UBN2: variants seen among roughly 807,000 people sequenced by gnomAD.
The protein encoded by UBN2 is ubinuclein 2.
UBN2 carries 35 observed loss-of-function variants against 120.2 expected under a neutral mutation model. The ratio of observed to expected loss-of-function variants is 0.29; its 90% CI spans 0.22 to 0.39. The LOEUF is 0.39. Ranked by LOEUF, UBN2 falls within the 10% of genes least tolerant of loss-of-function variation. UBN2 has a pLI of 1.00. For missense variants in UBN2, 1,693 were observed against 1,663.2 expected (o/e 1.02, Z -0.31); for synonymous variants, 661 against 648.7 (o/e 1.02, Z -0.29).
intron 15 of UBN2, among the ~76,000 whole-genome samples, chr7:139,288,863 A>G (rs1379433819): frequency 6.6e-6 from 1 of 151,844 alleles, no homozygotes; most frequent in African/African-American, 2.4e-5. Flanking sequence ...TTAGCTGGGT[A>G]TGGTGGCACG....
chr7:139,309,377 G>A (rs1399669850), downstream of UBN2, among the ~76,000 whole-genome samples: 1 of 152,186 alleles, frequency 6.6e-6, no homozygotes, highest in Non-Finnish European at 1.5e-5. Flanking sequence ...GACTGTAAGT[G>A]CCTTTAGCTA....
the UBN2 span, among the ~76,000 whole-genome samples, chr7:139,330,020 A>G: frequency 6.6e-6 from 1 of 152,160 alleles, no homozygotes; most frequent in African/African-American, 2.4e-5. Context: ...AAGGCCCACA[A>G]GCTGTGCACT....
At position 139,267,753 on chromosome 7, in the gene UBN2, ATAACT is replaced by A. The variant is rs560349054; in HGVS notation, c.1466+1353_1466+1357del. Reference sequence around the variant, plus strand: ...GCTTAAAAATAGACTCAGAAAATGTATAACTTAGTCTGCCGCTAGTATGGTGGCAG... The same window carrying A: ...GCTTAAAAATAGACTCAGAAAATGTATAGTCTGCCGCTAGTATGGTGGCAG... On this transcript the variant is annotated intron_variant, in intron 7 of 17. Coordinates refer to ENST00000473989, the MANE Select transcript of UBN2 (RefSeq NM_173569.4). Among the ~76,000 whole-genome samples, 509 of 152,328 alleles carry A rather than the reference ATAACT, an allele frequency of 3.3e-3. 3 individuals are homozygous for A. Among genetic ancestry groups the A allele is most frequent in the African/African-American group, 0.012 (481 of 41,574 alleles).
In UBN2 at chr7:139,283,025, A is replaced by T; in HGVS notation, c.2120A>T (p.Glu707Val). Residue 707 changes from glutamate to valine, a missense_variant and splice_region_variant, in exon 15 of 18, where the codon GAG (glutamate) becomes GTG (valine). By Grantham distance (121) the Glu-to-Val change is moderately radical (BLOSUM62 -2). This residue lies in a region of UBN2 where 837 missense variants were observed against 817.6 expected (regional missense o/e 1.02). Coordinates refer to ENST00000473989, the MANE Select transcript of UBN2 (RefSeq NM_173569.4). The stretch of plus-strand genomic sequence containing the variant: ...TTTCCATATGATGCTTTACATTAGG[A>T]GTGTAGTCCAAAAAAGGACCAGAAA... Reference protein sequence around the residue: ...PLHSFPTMLKECSPKKDQKTP... With the variant: ...PLHSFPTMLKVCSPKKDQKTP... 1 of 1,579,190 alleles carries T rather than the reference A, an allele frequency of 6.3e-7. No individual in the cohort carries two copies. The highest frequency in any genetic ancestry group is 2.2e-5 in the East Asian group (1 of 44,480).
At chr7:139,284,670 A>G in intron 15 of UBN2, 96 bp downstream of exon 15, 1 of 1,059,980 alleles carries the variant, frequency 9.4e-7, no homozygotes, top group Non-Finnish European at 1.3e-6. Flanking sequence ...TGATATGTGG[A>G]TTGTTCTCAA....
At chr7:139,233,514 G>T (rs1253408807) in intron 1 of UBN2, among the ~76,000 whole-genome samples, 2 of 152,178 alleles carry the variant, frequency 1.3e-5, no homozygotes, top group East Asian at 3.9e-4. Context: ...CACTGCACAT[G>T]GTTTTTCTAG....
At chr7:139,325,423 A>G in the UBN2 span, among the ~76,000 whole-genome samples, 2 of 151,826 alleles carry the variant, frequency 1.3e-5, no homozygotes, top group Non-Finnish European at 2.9e-5. Flanking sequence ...GCCCACTACC[A>G]CGCTCAGCTA....
At chr7:139,246,042 T>C (rs572525166) in intron 2 of UBN2, among the ~76,000 whole-genome samples, 171 of 152,266 alleles carry the variant, frequency 1.1e-3, no homozygotes, top group African/African-American at 3.9e-3. Context: ...TTTCCAAATA[T>C]TAATTAGGTG....
At chr7:139,232,780 C>CA (rs1796064016) in intron 1 of UBN2, among the ~76,000 whole-genome samples, 6 of 152,220 alleles carry the variant, frequency 3.9e-5, no homozygotes, top group Non-Finnish European at 8.8e-5. Context: ...AAAAAAATGT[C>CA]AGCTTTGAAT....
rs1005800756 is a variant in UBN2 at position 139,305,784 on chromosome 7, T to C, written c.*7948T>C. 6 of 152,162 alleles carry C rather than the reference T, an allele frequency of 3.9e-5. No homozygotes were observed. Among genetic ancestry groups the C allele is most frequent in the Non-Finnish European group, 4.4e-5 (3 of 68,014 alleles). The allele number at this position is 152,162 out of a possible 1,614,324, so 9.4% of individuals were successfully genotyped here. On this transcript the variant is annotated 3_prime_UTR_variant, in exon 18 of 18. Coordinates refer to ENST00000473989, the MANE Select transcript of UBN2 (RefSeq NM_173569.4). ...TCCTCTTCTCCTTTGTATTAAAAAA[T>C]AGATTTTGCTACTGTATAATGCGGC...
the UBN2 span, among the ~76,000 whole-genome samples, chr7:139,323,594 T>C: frequency 7.1e-6 from 1 of 141,212 alleles, no homozygotes; most frequent in Non-Finnish European, 1.5e-5. Context: ...TTATTATTAT[T>C]ATTATTATTT....
chr7:139,285,332 C>T (rs1585024636), intron 15 of UBN2, among the ~76,000 whole-genome samples: 1 of 152,028 alleles, frequency 6.6e-6, no homozygotes, highest in East Asian at 1.9e-4. Flanking sequence ...CAGAGCGAAA[C>T]TTCATCTCAA....
the UBN2 span, among the ~76,000 whole-genome samples, chr7:139,316,110 G>GAAAAAAAAAAAAAAAAAA: frequency 8.8e-6 from 1 of 113,336 alleles, no homozygotes; most frequent in South Asian, 2.9e-4. Flanking sequence ...AAAAAAAAGG[G>GAAAAAAAAAAAAAAAAAA]GTTCCAGTTC....
chr7:139,329,513 T>A, the UBN2 span, among the ~76,000 whole-genome samples: 1 of 152,212 alleles, frequency 6.6e-6, no homozygotes, highest in African/African-American at 2.4e-5. Flanking sequence ...ATATTCAGTA[T>A]TGAGCCCCAC....
In UBN2 at chr7:139,276,230, G is replaced by A. The variant is rs1430779248; in HGVS notation, c.2024+83G>A. The A allele has an allele frequency of 4.0e-6, 5 of 1,263,528 alleles. No homozygotes were observed. The African/African-American group carries it at 7.4e-5, about 19-fold the overall frequency. The allele number at this position is 1,263,528 out of a possible 1,614,324, so 78.3% of individuals were successfully genotyped here. On this transcript the variant is annotated intron_variant, in intron 12 of 17. Coordinates refer to ENST00000473989, the MANE Select transcript of UBN2 (RefSeq NM_173569.4). The stretch of plus-strand genomic sequence containing the variant: ...CAAAAGTATCATTTATTAAATGCTA[G>A]TTGGAATAGGACTTAAAAAGATCAT...
intron 14 of UBN2, among the ~76,000 whole-genome samples, chr7:139,282,325 A>T (rs1342583037): frequency 6.6e-6 from 1 of 152,174 alleles, no homozygotes; most frequent in Non-Finnish European, 1.5e-5. Flanking sequence ...ACAGACTCTA[A>T]CAACTCTTAG....
At chr7:139,279,668 C>T (rs2131026998) in intron 13 of UBN2, among the ~76,000 whole-genome samples, 1 of 152,252 alleles carries the variant, frequency 6.6e-6, no homozygotes, top group East Asian at 1.9e-4. Flanking sequence ...ATTCATAAGA[C>T]CAGAAACAAA....
At chr7:139,320,190 G>A in the UBN2 span, among the ~76,000 whole-genome samples, 55 of 152,110 alleles carry the variant, frequency 3.6e-4, no homozygotes, top group Admixed American at 3.4e-3. Context: ...GACCAGACGT[G>A]ATGGCTCATG....
intron 3 of UBN2, among the ~76,000 whole-genome samples, chr7:139,253,717 G>A (rs1220141097): frequency 6.6e-6 from 1 of 152,180 alleles, no homozygotes; most frequent in Non-Finnish European, 1.5e-5. Context: ...GACAAGTCAT[G>A]TTTTGCAGTA....
Sources: allele counts gnomAD v4.1 joint callset (sites outside exome capture counted in the v4.1 genomes callset), GRCh38; gene constraint gnomAD v4.1.1; regional missense constraint gnomAD v4.1.1; transcripts MANE v1.5; gene names NCBI Gene and HGNC (gene_info 2026-07-23, HGNC 2026-07-21).